Variants in SSBP2 observed in about 807,000 individuals in gnomAD.
SSBP2 encodes the protein single stranded DNA binding protein 2.
SSBP2 carries 17 observed loss-of-function variants against 61.8 expected under a neutral mutation model. The ratio of observed to expected loss-of-function variants is 0.28; its 90% confidence interval spans 0.19 to 0.41. The LOEUF (loss-of-function observed/expected upper bound fraction) is 0.41. SSBP2 is among the 10% of genes least tolerant of loss of function. The pLI, the probability that SSBP2 is intolerant of heterozygous loss-of-function variation, is 1.00. For missense variants in SSBP2, 310 were observed against 458.7 expected (o/e 0.68, Z 2.96); for synonymous variants, 139 against 141.3 (o/e 0.98, Z 0.12).
intron 12 of SSBP2, among the ~76,000 whole-genome samples, chr5:81,445,766 G>T (rs2153970021): frequency 6.6e-6 from 1 of 152,190 alleles, no homozygotes; most frequent in East Asian, 1.9e-4. Context: ...GAGTTTAACA[G>T]TAAAACATCA....
intron 6 of SSBP2, among the ~76,000 whole-genome samples, chr5:81,488,010 A>AATAT (rs59039206): frequency 0.01 from 385 of 38,368 alleles, 3 homozygotes; most frequent in South Asian, 0.014. Context: ...ATGGCCAAAT[A>AATAT]ATATATATAT....
intron 1 of SSBP2, among the ~76,000 whole-genome samples, chr5:81,687,846 AG>A (rs953480904): frequency 1.3e-5 from 2 of 152,186 alleles, no homozygotes; most frequent in Non-Finnish European, 2.9e-5. Flanking sequence ...AATAATCAGC[AG>A]TGGTAGCCAG....
chr5:81,440,684 G>T, intron 13 of SSBP2, 48 bp from the exon 14 acceptor site: 1 of 1,347,520 alleles, frequency 7.4e-7, no homozygotes, highest in Non-Finnish European at 1.0e-6. Flanking sequence ...GAAAACAATG[G>T]CTTATCTCAA....
chr5:81,448,724 C>T, intron 11 of SSBP2, 66 bp downstream of exon 11: 2 of 1,501,672 alleles, frequency 1.3e-6, no homozygotes, highest in Non-Finnish European at 1.8e-6. Context: ...ATCTGGACAA[C>T]TGTTTCATTG....
chr5:81,461,406 AT>A (rs1390209739), intron 9 of SSBP2, among the ~76,000 whole-genome samples: 3 of 152,156 alleles, frequency 2.0e-5, no homozygotes, highest in Non-Finnish European at 4.4e-5. Flanking sequence ...CATTGAAATC[AT>A]TATAAAACAC....
chr5:81,750,913 T>C (rs1757724817), intron 1 of SSBP2, 68 bp downstream of exon 1: 3 of 1,499,702 alleles, frequency 2.0e-6, no homozygotes, highest in Non-Finnish European at 2.7e-6. Flanking sequence ...TCTCCCAGAG[T>C]GTGCGAGTGC....
At chr5:81,689,572 GA>G (rs201338679) in intron 1 of SSBP2, among the ~76,000 whole-genome samples, 101 of 128,750 alleles carry the variant, frequency 7.8e-4, no homozygotes, top group African/African-American at 2.0e-3. Flanking sequence ...AAGTGCTAAA[GA>G]AAAAAAAAAA....
intron 4 of SSBP2, among the ~76,000 whole-genome samples, chr5:81,561,833 T>C (rs1364742670): frequency 6.6e-6 from 1 of 152,166 alleles, no homozygotes; most frequent in Non-Finnish European, 1.5e-5. Context: ...ACTAAAGCAA[T>C]GTCACAACTT....
At chr5:81,423,276 C>G (rs1761726201) in intron 16 of SSBP2, among the ~76,000 whole-genome samples, 1 of 152,118 alleles carries the variant, frequency 6.6e-6, no homozygotes, top group Non-Finnish European at 1.5e-5. Context: ...TGAAATGTAG[C>G]TAGTACAATT....
chr5:81,535,099 C>G (rs765596844), intron 4 of SSBP2, among the ~76,000 whole-genome samples: 1 of 151,842 alleles, frequency 6.6e-6, no homozygotes, highest in South Asian at 2.1e-4. Flanking sequence ...GGTTGATATA[C>G]AAAAGCCAAT....
At chr5:81,722,246 T>C (rs1755583560) in intron 1 of SSBP2, among the ~76,000 whole-genome samples, 1 of 152,058 alleles carries the variant, frequency 6.6e-6, no homozygotes, top group Non-Finnish European at 1.5e-5. Context: ...CCAGCAGGTA[T>C]TGATGGCATG....
chr5:81,549,172 G>A (rs2154127137), intron 4 of SSBP2, among the ~76,000 whole-genome samples: 1 of 152,164 alleles, frequency 6.6e-6, no homozygotes, highest in Non-Finnish European at 1.5e-5. Flanking sequence ...CCATAATGTT[G>A]AAGACTTAGT....
intron 1 of SSBP2, among the ~76,000 whole-genome samples, chr5:81,735,744 A>G (rs189300640): frequency 6.6e-6 from 1 of 152,348 alleles, no homozygotes; most frequent in African/African-American, 2.4e-5. Context: ...TACAAATGAT[A>G]ACTCACAACA....
At chr5:81,568,513 C>T (rs556474362) in intron 4 of SSBP2, among the ~76,000 whole-genome samples, 21 of 152,250 alleles carry the variant, frequency 1.4e-4, no homozygotes, top group African/African-American at 4.1e-4. Context: ...AGCATGAAAA[C>T]GGACTAATAT....
rs1007549385 is a variant in SSBP2, at chr5:81,649,310, A to G, written c.135+957T>C. 8.5e-5 allele frequency among the ~76,000 whole-genome samples: 13 copies of G among 152,238 alleles called. No individual in the cohort carries two copies. The South Asian group carries it at 2.1e-3, about 24-fold the overall frequency. ...CATAACAGAGCTCAATAAAATCCTC[A>G]TCATCCTCATATACATAGGAGACAA... On this transcript the variant is annotated intron_variant, in intron 2 of 16. Coordinates refer to ENST00000320672, the MANE Select transcript of SSBP2 (RefSeq NM_012446.5).
rs138978235 is a variant in SSBP2 at position 81,699,416 on chromosome 5, T to C, written c.63-49077A>G. On this transcript the variant is annotated intron_variant, in intron 1 of 16. Transcript: ENST00000320672. ...CACTGTTTTATCAACTAAGTTTATG[T>C]AATGTTCTAAATCCTTTGTTGTCAT... 6.2e-3 allele frequency among the ~76,000 whole-genome samples: 951 copies of C among 152,364 alleles called. 6 individuals are homozygous for C. Among genetic ancestry groups the C allele is most frequent in the African/African-American group, 0.021 (857 of 41,578 alleles).
intron 1 of SSBP2, among the ~76,000 whole-genome samples, chr5:81,745,940 A>G (rs1288415263): frequency 6.6e-6 from 1 of 152,094 alleles, no homozygotes; most frequent in Admixed American, 6.5e-5. Flanking sequence ...ATAATTCTAG[A>G]AGTGATTAAA....
At chr5:81,445,189 C>T (rs1157933786) in intron 12 of SSBP2, among the ~76,000 whole-genome samples, 33 of 52,036 alleles carry the variant, frequency 6.3e-4, no homozygotes, top group South Asian at 3.7e-3. Context: ...TATGTATTTA[C>T]TGGAAAATGT....
At chr5:81,447,094 C>A (rs1763452648) in intron 11 of SSBP2, among the ~76,000 whole-genome samples, 172 bp from the exon 12 acceptor site, 2 of 152,124 alleles carry the variant, frequency 1.3e-5, no homozygotes, top group South Asian at 4.1e-4. Flanking sequence ...CATAATTTAG[C>A]TTAAATATGT....
Sources: gnomAD v4.1 joint callset for allele counts (sites outside exome capture counted in the v4.1 genomes callset) on GRCh38, gnomAD v4.1.1 for gene constraint, MANE v1.5 for transcripts, NCBI Gene and HGNC (gene_info 2026-07-23, HGNC 2026-07-21) for gene names.